Variants in A1BG observed in about 807,000 individuals in gnomAD.
A1BG encodes alpha-1B-glycoprotein.
A neutral mutation model predicts 46.0 loss-of-function variants in A1BG; 44 were observed. That is an observed-to-expected ratio of 0.96 (90% CI 0.75 to 1.23). The LOEUF is 1.23. A1BG is among the 50% of genes most tolerant of loss of function. The pLI, the probability that A1BG is intolerant of heterozygous loss-of-function variation, is 0.00. For missense variants in A1BG, 707 were observed against 688.8 expected (o/e 1.03, Z -0.30); for synonymous variants, 316 against 314.7 (o/e 1.00, Z -0.04).
chr19:58,347,722 G>T, intron 6 of A1BG, 82 bp from the exon 7 acceptor site: 1 of 550,918 alleles, frequency 1.8e-6, no homozygotes, highest in Non-Finnish European at 2.5e-6. Context: ...ACCCCAGGCC[G>T]CGCCCGCGCC....
At position 58,346,517 on chromosome 19, in the gene A1BG, A is replaced by G. The variant is rs149146289; in HGVS notation, c.*505T>C. On this transcript the variant is annotated 3_prime_UTR_variant, in exon 8 of 8. Coordinates refer to ENST00000263100, the MANE Select transcript of A1BG (RefSeq NM_130786.4). Reference sequence around the variant, plus strand: ...GGTGGGAGGATCACTTAAGGCCAGGAGTTCAAGACAAGCTTGGGCAACACA... The same window carrying G: ...GGTGGGAGGATCACTTAAGGCCAGGGGTTCAAGACAAGCTTGGGCAACACA... 9.7e-3 allele frequency: 2,046 copies of G among 210,972 alleles called. 23 individuals carry two copies. The highest frequency in any genetic ancestry group is 0.014 in the Non-Finnish European group (1,450 of 104,548). The allele number at this position is 210,972 out of a possible 1,614,324, so 13.1% of individuals were successfully genotyped here. A position where few individuals can be genotyped will look rare whatever the true frequency, so the allele number is the denominator to read the frequency against.
At chr19:58,347,322 A>C in intron 7 of A1BG, 31 bp downstream of exon 7, 1 of 1,608,316 alleles carries the variant, frequency 6.2e-7, no homozygotes, top group Non-Finnish European at 8.5e-7. Flanking sequence ...CAGCAGACGG[A>C]ACCAGCACCC....
chr19:58,345,873 T>C lies in A1BG; in HGVS notation c.*1149A>G, dbSNP rs1363000713. ...TTGAAAAACACAATTCATCAACTAT[T>C]GGTTGATAATACTGATACGCATCTT... On this transcript the variant is annotated 3_prime_UTR_variant, in exon 8 of 8. Transcript: ENST00000263100. 6.6e-6 allele frequency: 1 copy of C among 152,186 alleles called. No homozygotes were observed. Among genetic ancestry groups the C allele is most frequent in the Non-Finnish European group, 1.5e-5 (1 of 68,048 alleles). 9.4% of individuals were successfully genotyped at this position (152,186 alleles called of 1,614,324 possible). A position where few individuals can be genotyped will look rare whatever the true frequency, so the allele number is the denominator to read the frequency against.
In A1BG at chr19:58,352,575, G is replaced by C. The variant is rs754017559; in HGVS notation, c.341-20C>G. 4 of 1,601,174 alleles carry C rather than the reference G, an allele frequency of 2.5e-6. No individual in the cohort carries two copies. The African/African-American group carries it at 5.4e-5, about 21-fold the overall frequency. ...AGGACTCTGTGGGTGGGGTGGAGTT[G>C]AAGAGTGCTTCTGCATAACAGGAGA... On this transcript the variant is annotated intron_variant, in intron 3 of 7. Coordinates refer to ENST00000263100, the MANE Select transcript of A1BG (RefSeq NM_130786.4).
chr19:58,352,434 G>T lies in A1BG; in HGVS notation c.462C>A (p.Gly154=), dbSNP rs776353453. 1 of 1,613,634 alleles carries T rather than the reference G, an allele frequency of 6.2e-7. No individual in the cohort carries two copies. Among genetic ancestry groups the T allele is most frequent in the South Asian group, 1.1e-5 (1 of 91,058 alleles). Residue 154 remains glycine, a synonymous_variant, in exon 4 of 8, where the codon GGC becomes GGA. Transcript: ENST00000263100. ...RGVTFLLRRE[G]DHEFLEVPEA... is the part of the protein sequence containing the mutation. ...CAGGCACCTCCAGAAACTCATGGTC[G>T]CCCTCCCGCCTCAGCAGAAAAGTCA...
chr19:58,351,792 A>ATTTTTTTTTTTTTTTTTTTTTTTT (rs1255801696), intron 4 of A1BG, 105 bp from the exon 5 acceptor site: 1 of 964,974 alleles, frequency 1.0e-6, no homozygotes, highest in African/African-American at 2.1e-5. Flanking sequence ...ACACCCTTCC[A>ATTTTTTTTTTTTTTTTTTTTTTTT]TTCTTTTTTT....
At chr19:58,350,296 A>G (rs1729797033) in intron 6 of A1BG, 74 bp downstream of exon 6, 2 of 1,453,210 alleles carry the variant, frequency 1.4e-6, no homozygotes, top group Admixed American at 2.6e-5. Flanking sequence ...ACGCCCAAGG[A>G]AAGAGGGGAA....
chr19:58,351,502 T>C lies in A1BG; in HGVS notation c.799A>G (p.Asn267Asp). 1 of 1,613,874 alleles carries C rather than the reference T, an allele frequency of 6.2e-7. No homozygotes were observed. Residue 267 changes from asparagine to aspartate, a missense_variant, in exon 5 of 8, where the codon AAC (asparagine) becomes GAC (aspartate). By Grantham distance (23) the Asn-to-Asp change is conservative (BLOSUM62 1). Transcript: ENST00000263100. ...CCTCCATCCCCCAGGGCCACCGCGT[T>C]CAGGTGAAAGAAGATGCGATCTGGG... ...TSPDRIFFHL[N>D]AVALGDGGHY... is the part of the protein sequence containing the mutation.
chr19:58,350,591 C>G lies in A1BG; in HGVS notation c.971G>C (p.Arg324Pro), dbSNP rs1472236803. 3 of 1,502,008 alleles carry G rather than the reference C, an allele frequency of 2.0e-6. No homozygotes were observed. The South Asian group carries it at 3.8e-5, about 19-fold the overall frequency. 93.0% of individuals were successfully genotyped at this position (1,502,008 alleles called of 1,614,324 possible). A position where few individuals can be genotyped will look rare whatever the true frequency, so the allele number is the denominator to read the frequency against. The change falls in exon 6 of 8, where the codon CGG becomes CCG. Residue 324 changes from arginine to proline, a missense_variant. Coordinates refer to ENST00000263100, the MANE Select transcript of A1BG (RefSeq NM_130786.4). ...EPESGRALRL[R>P]CLAPLEGARF... Reference sequence around the variant, plus strand: ...CGCGCCCTCCAGGGGCGCCAGGCACCGCAGCCGCAAGGCCCTGCCGGACTC... The same window carrying G: ...CGCGCCCTCCAGGGGCGCCAGGCACGGCAGCCGCAAGGCCCTGCCGGACTC...
At chr19:58,351,337 C>A in intron 5 of A1BG, 54 bp downstream of exon 5, 1 of 1,587,368 alleles carries the variant, frequency 6.3e-7, no homozygotes, top group Admixed American at 1.7e-5. Flanking sequence ...CCTGGTACTG[C>A]TCCTGCTCCC....
rs1354738684 is a variant in A1BG at position 58,350,568 on chromosome 19, C to A, written c.994G>T (p.Ala332Ser). ...TCCTCGCGCACCAGGGCGAAGCGCG[C>A]GCCCTCCAGGGGCGCCAGGCACCGC... ...RLRCLAPLEG[A>S]RFALVREDRG... Residue 332 changes from alanine (A) to serine (S), a missense_variant, in exon 6 of 8, where the codon GCG (alanine) becomes TCG (serine). By Grantham distance (99) the Ala-to-Ser change is moderately conservative. Coordinates refer to ENST00000263100, the MANE Select transcript of A1BG (RefSeq NM_130786.4). The A allele has an allele frequency of 1.3e-6, 2 of 1,541,538 alleles. No individual in the cohort carries two copies. The highest frequency in any genetic ancestry group is 2.4e-5 in the South Asian group (2 of 83,334).
Position 58,345,351 on chromosome 19 carries a change from C to T in A1BG, c.*1671G>A, listed in dbSNP as rs562869520. 1.3e-4 allele frequency: 20 copies of T among 152,176 alleles called. No homozygotes were observed. Among genetic ancestry groups the T allele is most frequent in the African/African-American group, 4.8e-4 (20 of 41,522 alleles). 9.4% of individuals were successfully genotyped at this position (152,176 alleles called of 1,614,324 possible). A position where few individuals can be genotyped will look rare whatever the true frequency, so the allele number is the denominator to read the frequency against. On this transcript the variant is annotated 3_prime_UTR_variant, in exon 8 of 8. Coordinates refer to ENST00000263100, the MANE Select transcript of A1BG (RefSeq NM_130786.4). ...TATGTCTACATACCTATTAGAATGG[C>T]TAAAATAAACTTTTTAAAAAACTAA...
rs772682513 is a variant in A1BG at position 58,347,043 on chromosome 19, GAA to G, written c.1481-16_1481-15del. ...TGCATCAGCTTTCTAGACAACGGGAGAAAAGAGAAATGGTGGAGGAGGGGAAA... is the reference window on the plus strand; with the variant it reads ...TGCATCAGCTTTCTAGACAACGGGAGAAGAGAAATGGTGGAGGAGGGGAAA... On this transcript the variant is annotated splice_polypyrimidine_tract_variant and intron_variant, in intron 7 of 7. Coordinates refer to ENST00000263100, the MANE Select transcript of A1BG (RefSeq NM_130786.4). The G allele has an allele frequency of 3.1e-6, 5 of 1,614,098 alleles. No individual in the cohort carries two copies. The African/African-American group carries it at 6.7e-5, about 22-fold the overall frequency.
At position 58,353,209 on chromosome 19, in the gene A1BG, G is replaced by A; in HGVS notation, c.71-12C>T. The A allele has an allele frequency of 6.2e-7, 1 of 1,613,516 alleles. No homozygotes were observed. The highest frequency in any genetic ancestry group is 8.5e-7 in the Non-Finnish European group (1 of 1,179,580). On this transcript the variant is annotated splice_polypyrimidine_tract_variant and intron_variant, in intron 2 of 7. Coordinates refer to ENST00000263100, the MANE Select transcript of A1BG (RefSeq NM_130786.4). ...CTGCGTCTCATAAACTGCAAGGGGTGGCTGGGATCAGCTCAGTGCCACAGA... is the reference window on the plus strand; with the variant it reads ...CTGCGTCTCATAAACTGCAAGGGGTAGCTGGGATCAGCTCAGTGCCACAGA...
intron 3 of A1BG, 129 bp downstream of exon 3, chr19:58,352,799 A>C: frequency 1.5e-6 from 2 of 1,355,194 alleles, no homozygotes; most frequent in Non-Finnish European, 1.0e-6. Flanking sequence ...CACAGACATC[A>C]TCCCCATTTG....
In A1BG at chr19:58,350,613, A is replaced by ACTCCGG; in HGVS notation, c.943_948dup (p.Pro315_Glu316dup). 2.1e-6 allele frequency: 3 copies of ACTCCGG among 1,448,280 alleles called. No individual in the cohort carries two copies. The South Asian group carries it at 4.3e-5, about 21-fold the overall frequency. The allele number at this position is 1,448,280 out of a possible 1,614,324, so 89.7% of individuals were successfully genotyped here. The stretch of plus-strand genomic sequence containing the variant: ...CACCGCAGCCGCAAGGCCCTGCCGG[A>ACTCCGG]CTCCGGCTCCGGGGAGAACTCCGGC... On this transcript the variant is annotated inframe_insertion, in exon 6 of 8. Coordinates refer to ENST00000263100, the MANE Select transcript of A1BG (RefSeq NM_130786.4).
At position 58,350,409 on chromosome 19, in the gene A1BG, C is replaced by G. The variant is rs540332095; in HGVS notation, c.1153G>C (p.Gly385Arg). Reference protein sequence around the residue: ...VYVDLKPPFGGSAPSERLELH... With the variant: ...VYVDLKPPFGRSAPSERLELH... ...TCCAAGCGCTCGCTGGGCGCGGAGCCCCCGAAAGGCGGCTTCAGGTCCACG... is the reference window on the plus strand; with the variant it reads ...TCCAAGCGCTCGCTGGGCGCGGAGCGCCCGAAAGGCGGCTTCAGGTCCACG... The change falls in exon 6 of 8, where the codon GGC becomes CGC. Residue 385 changes from glycine (G) to arginine (R), a missense_variant. By Grantham distance (125) the Gly-to-Arg change is moderately radical. Coordinates refer to ENST00000263100, the MANE Select transcript of A1BG (RefSeq NM_130786.4). 44 of 1,549,742 alleles carry G rather than the reference C, an allele frequency of 2.8e-5. No individual in the cohort carries two copies. The East Asian group carries it at 1.1e-3, about 38-fold the overall frequency.
intron 7 of A1BG, 26 bp downstream of exon 7, chr19:58,347,327 G>T: frequency 6.2e-7 from 1 of 1,608,568 alleles, no homozygotes; most frequent in Non-Finnish European, 8.5e-7. Context: ...GACGGAACCA[G>T]CACCCGGGAC....
At position 58,346,586 on chromosome 19, in the gene A1BG, G is replaced by A. The variant is rs968067571; in HGVS notation, c.*436C>T. 6 of 258,266 alleles carry A rather than the reference G, an allele frequency of 2.3e-5. No individual in the cohort carries two copies. The highest frequency in any genetic ancestry group is 3.8e-5 in the Non-Finnish European group (5 of 131,290). 16.0% of individuals were successfully genotyped at this position (258,266 alleles called of 1,614,324 possible). On this transcript the variant is annotated 3_prime_UTR_variant, in exon 8 of 8. Transcript: ENST00000263100. ...AAAATAATAATTAGCCAGACGTGGC[G>A]ATGCATGCCCAGGCTCCCAGCTACT...
Sources: allele counts gnomAD v4.1 joint callset, GRCh38; gene constraint gnomAD v4.1.1; transcripts MANE v1.5; gene names NCBI Gene and HGNC (gene_info 2026-07-23, HGNC 2026-07-21).